Variants in DZIP3 observed in about 807,000 individuals in gnomAD.
The protein encoded by DZIP3 is E3 ubiquitin-protein ligase DZIP3.
DZIP3 carries 118 observed loss-of-function variants against 162.0 expected under a neutral mutation model. That is an observed-to-expected ratio of 0.73 (90% CI 0.63 to 0.85). DZIP3 has a LOEUF of 0.85. Ranked by LOEUF, DZIP3 falls within the 40% of genes least tolerant of loss-of-function variation. The pLI is 0.00. For synonymous variants in DZIP3, 438 were observed against 458.6 expected (o/e 0.96, Z 0.57); for missense variants, 1,331 against 1,407.0 (o/e 0.95, Z 0.86).
At chr3:108,683,093 A>G (rs1210618892) in intron 26 of DZIP3, among the ~76,000 whole-genome samples, 3 of 150,610 alleles carry the variant, frequency 2.0e-5, no homozygotes, top group Non-Finnish European at 4.4e-5. Flanking sequence ...GCCTTGTTTT[A>G]TGTCATTCCC....
chr3:108,631,049 A>ACTCT (rs1454927812), intron 8 of DZIP3, among the ~76,000 whole-genome samples: 19 of 55,570 alleles, frequency 3.4e-4, no homozygotes, highest in Admixed American at 4.1e-4. Flanking sequence ...ACACACACAC[A>ACTCT]CACACACTCT....
At position 108,633,895 on chromosome 3, in the gene DZIP3, A is replaced by G. The variant is rs149968423; in HGVS notation, c.816+823A>G. Among the ~76,000 whole-genome samples the G allele has an allele frequency of 8.2e-3, 1,024 of 124,734 alleles. 13 individuals are homozygous for G. The highest frequency in any genetic ancestry group is 0.02 in the African/African-American group (579 of 28,714). The allele number at this position is 124,734 out of a possible 152,430, so 81.8% of individuals were successfully genotyped here. ...GATAGATCTCTCTGGATCTATCAGA[A>G]TACTTCTGATAGATCTCTCTCTCTG... is the stretch of plus-strand genomic sequence containing the variant. On this transcript the variant is annotated intron_variant, in intron 9 of 32. Transcript: ENST00000361582.
rs754959331 is a variant in DZIP3 at position 108,633,026 on chromosome 3, G to A, written c.770G>A (p.Cys257Tyr). ...MKQTICSYLD[C>Y]ERSCEADILK... ...CAGACGATTTGTAGTTACCTAGATT[G>A]TGAACGATCTTGTGAAGCTGACATT... The change falls in exon 9 of 33, where the codon TGT (cysteine) becomes TAT (tyrosine). Residue 257 changes from cysteine (C) to tyrosine (Y), a missense_variant. Physicochemically the swap from Cys to Tyr is radical, Grantham distance 194. Coordinates refer to ENST00000361582, the MANE Select transcript of DZIP3 (RefSeq NM_014648.4). 1 of 1,503,900 alleles carries A rather than the reference G, an allele frequency of 6.6e-7. No homozygotes were observed. The highest frequency in any genetic ancestry group is 1.5e-5 in the South Asian group (1 of 68,150). 93.2% of individuals were successfully genotyped at this position (1,503,900 alleles called of 1,614,324 possible).
intron 3 of DZIP3, among the ~76,000 whole-genome samples, chr3:108,610,229 TACTCAA>T (rs1035884866): frequency 5.9e-5 from 9 of 152,210 alleles, no homozygotes; most frequent in Non-Finnish European, 1.3e-4. Context: ...CTTAATTTAG[TACTCAA>T]ACCCATTTTT....
Position 108,677,565 on chromosome 3 carries a change from G to C in DZIP3, c.2850G>C (p.Gln950His). Residue 950 changes from glutamine to histidine, a missense_variant, in exon 26 of 33, where the codon CAG becomes CAC. Coordinates refer to ENST00000361582, the MANE Select transcript of DZIP3 (RefSeq NM_014648.4). The part of the protein sequence containing the change: ...GFALSTLPPV[Q>H]LPPPPPSPEI... ...CCTTGAGTACCTTGCCTCCAGTCCA[G>C]CTTCCTCCTCCACCACCCAGTCCTG... The C allele has an allele frequency of 6.2e-7, 1 of 1,612,584 alleles. No homozygotes were observed. The highest frequency in any genetic ancestry group is 1.7e-5 in the Admixed American group (1 of 59,904).
At chr3:108,672,476 A>G in intron 22 of DZIP3, 84 bp from the exon 23 acceptor site, 1 of 1,134,616 alleles carries the variant, frequency 8.8e-7, no homozygotes, top group South Asian at 1.3e-5. Flanking sequence ...CTGATTGTAT[A>G]ACTTATCTTT....
intron 4 of DZIP3, among the ~76,000 whole-genome samples, chr3:108,611,895 G>A (rs1940723615): frequency 6.6e-6 from 1 of 151,638 alleles, no homozygotes; most frequent in East Asian, 1.9e-4. Flanking sequence ...AACTCAGGAG[G>A]TGGAGGTACA....
chr3:108,622,874 CTCTCTCTGTG>C (rs1941423262), intron 5 of DZIP3, among the ~76,000 whole-genome samples: 1 of 105,186 alleles, frequency 9.5e-6, no homozygotes, highest in Non-Finnish European at 2.1e-5. Context: ...CTCTCTCTCT[CTCTCTCTGTG>C]TGTGTGTGTG....
At chr3:108,678,101 C>T (rs1484411683) in intron 26 of DZIP3, among the ~76,000 whole-genome samples, 1 of 151,784 alleles carries the variant, frequency 6.6e-6, no homozygotes, top group Admixed American at 6.6e-5. Flanking sequence ...GGAGTGTGAA[C>T]CATATTGTGA....
intron 21 of DZIP3, among the ~76,000 whole-genome samples, chr3:108,668,624 G>A (rs2107335078): frequency 6.6e-6 from 1 of 152,068 alleles, no homozygotes; most frequent in South Asian, 2.1e-4. Flanking sequence ...ATATATTACA[G>A]TAATGAAGCT....
chr3:108,645,110 G>T (rs886962477), intron 14 of DZIP3, among the ~76,000 whole-genome samples: 3 of 152,144 alleles, frequency 2.0e-5, no homozygotes, highest in Non-Finnish European at 4.4e-5. Context: ...AAAATATACT[G>T]CAGGCAACTA....
rs1356565908 is a variant in DZIP3, at chr3:108,684,248, A to G, written c.2916A>G (p.Lys972=). The G allele has an allele frequency of 6.2e-7, 1 of 1,612,702 alleles. No homozygotes were observed. The highest frequency in any genetic ancestry group is 8.5e-7 in the Non-Finnish European group (1 of 1,179,200). Residue 972 remains lysine, a synonymous_variant, in exon 27 of 33, where the codon AAA becomes AAG. Coordinates refer to ENST00000361582, the MANE Select transcript of DZIP3 (RefSeq NM_014648.4). ...MQQFLGRPLV[K]ESFFRPILTV... ...AGTTCTTAGGAAGACCTCTTGTGAA[A>G]GAATCTTTCTTTAGACCCATACTTA...
chr3:108,658,312 AAGT>A (rs1489156887), intron 19 of DZIP3, among the ~76,000 whole-genome samples: 6 of 152,242 alleles, frequency 3.9e-5, no homozygotes, highest in Admixed American at 2.6e-4. Context: ...AGTGCAATCA[AAGT>A]AGAACTCAAG....
intron 18 of DZIP3, among the ~76,000 whole-genome samples, chr3:108,653,450 T>C (rs1942952288): frequency 6.7e-6 from 1 of 148,928 alleles, no homozygotes; most frequent in Non-Finnish European, 1.5e-5. Flanking sequence ...GACAGTAGCA[T>C]GCAATTAAAT....
At chr3:108,644,096 A>G in intron 13 of DZIP3, 68 bp from the exon 14 acceptor site, 4 of 1,512,062 alleles carry the variant, frequency 2.6e-6, no homozygotes, top group Non-Finnish European at 3.5e-6. Context: ...TTAGGATACA[A>G]TGTGAGAGAC....
chr3:108,655,104 G>T (rs1434819370), intron 19 of DZIP3, among the ~76,000 whole-genome samples: 1 of 152,042 alleles, frequency 6.6e-6, no homozygotes, highest in Non-Finnish European at 1.5e-5. Context: ...TTAAATATGG[G>T]ATCTCTGGTT....
At chr3:108,591,637 C>G (rs1265564276) in intron 1 of DZIP3, among the ~76,000 whole-genome samples, 1 of 152,166 alleles carries the variant, frequency 6.6e-6, no homozygotes, top group Non-Finnish European at 1.5e-5. Context: ...CATTTTTAAT[C>G]AGAGATACTT....
At chr3:108,599,642 T>G (rs1939892683) in intron 1 of DZIP3, among the ~76,000 whole-genome samples, 1 of 152,126 alleles carries the variant, frequency 6.6e-6, no homozygotes, top group South Asian at 2.1e-4. Flanking sequence ...GTGTCCCCCC[T>G]CATTCAGTGT....
intron 19 of DZIP3, among the ~76,000 whole-genome samples, chr3:108,659,295 T>C (rs1336726949): frequency 6.6e-6 from 1 of 152,144 alleles, no homozygotes; most frequent in Non-Finnish European, 1.5e-5. Flanking sequence ...TTATCCACCA[T>C]GATCAAGTGG....
Sources: allele counts gnomAD v4.1 joint callset (sites outside exome capture counted in the v4.1 genomes callset), GRCh38; gene constraint gnomAD v4.1.1; transcripts MANE v1.5; gene names NCBI Gene and HGNC (gene_info 2026-07-23, HGNC 2026-07-21).